Variants in MCF2L observed in about 807,000 individuals in gnomAD.
MCF2L encodes guanine nucleotide exchange factor DBS.
In MCF2L, 97 loss-of-function variants were observed where a neutral mutation model predicts 153.4. That is an observed-to-expected ratio of 0.63 (90% confidence interval 0.54 to 0.75). The LOEUF is 0.75. MCF2L is among the 30% of genes least tolerant of loss of function. The probability of loss-of-function intolerance (pLI) is 0.00; values close to 1 mark genes in which losing one functional copy is unlikely to be tolerated. For missense variants in MCF2L, 1,347 were observed against 1,495.2 expected (o/e 0.90, Z 1.64); for synonymous variants, 659 against 632.2 (o/e 1.04, Z -0.64).
intron 1 of MCF2L, among the ~76,000 whole-genome samples, chr13:112,975,547 G>A (rs1215554218): frequency 6.6e-6 from 1 of 152,250 alleles, no homozygotes; most frequent in African/African-American, 2.4e-5. Context: ...GCAGGAAGCT[G>A]TGGGGACCCG....
intron 2 of MCF2L, among the ~76,000 whole-genome samples, chr13:113,022,583 G>T (rs1035502289): frequency 6.6e-6 from 1 of 152,254 alleles, no homozygotes; most frequent in Non-Finnish European, 1.5e-5. Context: ...AAAGGCAGGC[G>T]CAGGCTGCGG....
chr13:112,975,859 C>G (rs538743272), intron 1 of MCF2L, among the ~76,000 whole-genome samples: 2 of 152,270 alleles, frequency 1.3e-5, no homozygotes, highest in South Asian at 4.1e-4. Context: ...TGCCCACGGT[C>G]GCAGAGAGCT....
chr13:113,058,086 TGCTGAGTGTTTGGGC>T (rs2030558869), intron 4 of MCF2L, among the ~76,000 whole-genome samples: 1 of 147,846 alleles, frequency 6.8e-6, no homozygotes, highest in East Asian at 2.1e-4. Flanking sequence ...GCTGTTTGGG[TGCTGAGTGTTTGGGC>T]GCTGAGTGTT....
At position 113,046,494 on chromosome 13, in the gene MCF2L, C is replaced by T; in HGVS notation, c.369+1133C>T. The T allele has an allele frequency of 1.9e-6, 1 of 524,562 alleles. No individual in the cohort carries two copies. The highest frequency in any genetic ancestry group is 5.5e-5 in the East Asian group (1 of 18,286). 32.5% of individuals were successfully genotyped at this position (524,562 alleles called of 1,614,324 possible). A position where few individuals can be genotyped will look rare whatever the true frequency, so the allele number is the denominator to read the frequency against. On this transcript the variant is annotated intron_variant, in intron 4 of 29. Transcript: ENST00000535094. The surrounding 1 kb of genome is among the most constrained non-coding windows in gnomAD (Gnocchi z 4.4). ...CCGCGTTCAGACTACCTTTGGGTTC[C>T]CCAGCCTCTCGGTGGCTGCTGGCTG... is the stretch of plus-strand genomic sequence containing the variant.
chr13:113,095,887 G>A (rs1199731593), intron 27 of MCF2L: 2 of 768,794 alleles, frequency 2.6e-6, no homozygotes, highest in Non-Finnish European at 3.3e-6. Context: ...GAGACAAAGC[G>A]GGAACAGCAC....
chr13:112,964,535 C>G (rs909245960), upstream of MCF2L, among the ~76,000 whole-genome samples: 7 of 152,194 alleles, frequency 4.6e-5, no homozygotes, highest in East Asian at 9.6e-4. Flanking sequence ...TTAAAATAGC[C>G]ATACCCTTTG....
chr13:113,085,691 G>A (rs1367338735), intron 20 of MCF2L, among the ~76,000 whole-genome samples: 33 of 123,626 alleles, frequency 2.7e-4, no homozygotes, highest in Middle Eastern at 4.8e-3. Context: ...GCAGGTGCGA[G>A]GGGTTTGCAC....
At chr13:113,017,885 A>G (rs1479838940) in intron 2 of MCF2L, among the ~76,000 whole-genome samples, 1 of 152,224 alleles carries the variant, frequency 6.6e-6, no homozygotes, top group African/African-American at 2.4e-5. Flanking sequence ...GTGCCAGAGC[A>G]AAAAACTAAA....
At chr13:113,091,899 C>A (rs2035254163) in intron 26 of MCF2L, among the ~76,000 whole-genome samples, 1 of 152,170 alleles carries the variant, frequency 6.6e-6, no homozygotes, top group South Asian at 2.1e-4. Context: ...ACCAGCCTTC[C>A]CATTCCGCCC....
chr13:113,079,883 A>C (rs79060907), intron 15 of MCF2L, among the ~76,000 whole-genome samples: 2 of 102,690 alleles, frequency 1.9e-5, no homozygotes, highest in African/African-American at 7.1e-5. Flanking sequence ...GCATCCGCAC[A>C]GAGGAGGGTC....
At chr13:113,052,232 CAG>C (rs557447649) in intron 4 of MCF2L, among the ~76,000 whole-genome samples, 34 of 152,252 alleles carry the variant, frequency 2.2e-4, no homozygotes, top group Admixed American at 2.1e-3. Context: ...AAAAGATAAA[CAG>C]AGAAAAAGAA....
At chr13:113,065,586 C>T (rs1156823437) in intron 7 of MCF2L, among the ~76,000 whole-genome samples, 4 of 152,244 alleles carry the variant, frequency 2.6e-5, no homozygotes, top group South Asian at 4.1e-4. Flanking sequence ...CTGGAACAAA[C>T]GTATTCTGAG....
chr13:112,964,489 G>T (rs79323941), upstream of MCF2L, among the ~76,000 whole-genome samples: 1,151 of 152,266 alleles, frequency 7.6e-3, 15 homozygotes, highest in African/African-American at 0.026. Context: ...ACCATAACAC[G>T]GCACATATAA....
chr13:113,051,940 C>T (rs2087362255), intron 4 of MCF2L, among the ~76,000 whole-genome samples: 1 of 152,098 alleles, frequency 6.6e-6, no homozygotes, highest in Non-Finnish European at 1.5e-5. Flanking sequence ...GCCGTCCTGA[C>T]CCAGTCACCT....
chr13:113,090,663 A>G (rs2035120475), intron 26 of MCF2L: 1 of 985,362 alleles, frequency 1.0e-6, no homozygotes, highest in African/African-American at 1.7e-5. Flanking sequence ...AAATGGGCCC[A>G]GGAGGCCCTG....
intron 9 of MCF2L, among the ~76,000 whole-genome samples, chr13:113,073,348 T>G (rs530741877): frequency 1.3e-4 from 20 of 152,200 alleles, no homozygotes; most frequent in Non-Finnish European, 2.5e-4. Flanking sequence ...TGGTATTGAG[T>G]TCTTCTATAT....
At position 112,993,714 on chromosome 13, in the gene MCF2L, G is replaced by A. The variant is rs1361508735; in HGVS notation, c.80-21049G>A. ...GACGGTGGTGCCATCAGTCAAGAGA[G>A]ACTTCAGAGGGAGAGGTTAGGTGAT... On this transcript the variant is annotated intron_variant, in intron 1 of 29. Coordinates refer to ENST00000535094, the MANE Select transcript of MCF2L (RefSeq NM_001112732.3). The surrounding 1 kb of genome is among the most constrained non-coding windows in gnomAD (Gnocchi z 4.6). Among the ~76,000 whole-genome samples, 4 of 152,186 alleles carry A rather than the reference G, an allele frequency of 2.6e-5. No homozygotes were observed. In the East Asian group the frequency reaches 7.7e-4, roughly 29 times the overall value.
Position 113,026,659 on chromosome 13 carries a change from A to C in MCF2L, c.278+1901A>C, listed in dbSNP as rs145643852. On this transcript the variant is annotated intron_variant, in intron 3 of 29. Transcript: ENST00000535094. ...CGGGACCTGATGCTCATGGGAGCAG[A>C]GCCCGTCCACGTGGCCTCTCTGTGT... Among the ~76,000 whole-genome samples the C allele has an allele frequency of 8.2e-3, 1,250 of 152,284 alleles. 19 individuals are homozygous for C. The highest frequency in any genetic ancestry group is 0.029 in the African/African-American group (1,199 of 41,560).
chr13:112,989,049 G>A (rs2082781302), intron 1 of MCF2L, among the ~76,000 whole-genome samples: 1 of 119,552 alleles, frequency 8.4e-6, no homozygotes, highest in African/African-American at 3.2e-5. Context: ...TCCTCCCTGA[G>A]CAGGACATGG....
Sources: gnomAD v4.1 joint callset for allele counts (sites outside exome capture counted in the v4.1 genomes callset) on GRCh38, gnomAD v4.1.1 for gene constraint, Gnocchi (gnomAD v3.1) non-coding constraint, MANE v1.5 for transcripts, NCBI Gene and HGNC (gene_info 2026-07-23, HGNC 2026-07-21) for gene names.